FHAD1: variants seen among roughly 807,000 people sequenced by gnomAD.
FHAD1 encodes the protein forkhead-associated domain-containing protein 1.
In FHAD1, 146 loss-of-function variants were observed where a neutral mutation model predicts 191.3. That is an observed-to-expected ratio of 0.76 (90% CI 0.67 to 0.88). The LOEUF (loss-of-function observed/expected upper bound fraction) is 0.88, where lower values mean the gene tolerates loss of function less well. FHAD1 is among the 40% of genes least tolerant of loss of function. The probability of loss-of-function intolerance (pLI) is 0.00; values close to 1 mark genes in which losing one functional copy is unlikely to be tolerated. For missense variants in FHAD1, 1,635 were observed against 1,785.8 expected (o/e 0.92, Z 1.52); for synonymous variants, 616 against 672.3 (o/e 0.92, Z 1.29).
chr1:15,374,455 ATCT>A (rs1347994057), intron 26 of FHAD1, 44 bp from the exon 27 acceptor site: 27 of 1,546,098 alleles, frequency 1.7e-5, no homozygotes, highest in Non-Finnish European at 2.3e-5. Context: ...TGTAAGAGAA[ATCT>A]TCTAATCCCT....
intron 7 of FHAD1, among the ~76,000 whole-genome samples, chr1:15,309,582 C>T (rs1370105831): frequency 1.3e-5 from 2 of 152,062 alleles, no homozygotes; most frequent in Non-Finnish European, 2.9e-5. Flanking sequence ...AGCCCACGAC[C>T]TGCGGGCCAC....
At chr1:15,254,917 G>C (rs1647287819) in intron 2 of FHAD1, among the ~76,000 whole-genome samples, 1 of 152,166 alleles carries the variant, frequency 6.6e-6, no homozygotes, top group East Asian at 1.9e-4. Context: ...CTACAGGCAT[G>C]TCCATATTTT....
intron 3 of FHAD1, among the ~76,000 whole-genome samples, chr1:15,284,153 G>C (rs1661538840): frequency 6.6e-6 from 1 of 152,178 alleles, no homozygotes; most frequent in Non-Finnish European, 1.5e-5. Context: ...CTAGCACCTA[G>C]AGCCTTCTCT....
intron 1 of FHAD1, among the ~76,000 whole-genome samples, chr1:15,237,331 C>A (rs930077509): frequency 1.3e-5 from 2 of 152,212 alleles, no homozygotes; most frequent in African/African-American, 2.4e-5. Flanking sequence ...CTCTGTCCCA[C>A]GGTTGCGTAG....
chr1:15,339,721 G>A (rs1685743833), intron 15 of FHAD1, among the ~76,000 whole-genome samples, 170 bp downstream of exon 15: 1 of 152,212 alleles, frequency 6.6e-6, no homozygotes, highest in South Asian at 2.1e-4. Context: ...AGAAAAGGTT[G>A]GCTAAGATCT....
intron 2 of FHAD1, among the ~76,000 whole-genome samples, chr1:15,260,590 C>T (rs1028285449): frequency 3.3e-5 from 5 of 152,160 alleles, no homozygotes; most frequent in Non-Finnish European, 5.9e-5. Flanking sequence ...GCTATAGAAC[C>T]GAGGCCTCTG....
chr1:15,332,682 G>A (rs1301263358), intron 14 of FHAD1, among the ~76,000 whole-genome samples: 1 of 152,212 alleles, frequency 6.6e-6, no homozygotes, highest in Non-Finnish European at 1.5e-5. Context: ...TTACTCCACT[G>A]CACTGCAGCC....
At position 15,241,946 on chromosome 1, in the gene FHAD1, A is replaced by G. The variant is rs528151311; in HGVS notation, c.-15+5185A>G. Among the ~76,000 whole-genome samples the G allele has an allele frequency of 1.3e-4, 20 of 152,264 alleles. 2 individuals carry two copies. In the South Asian group the frequency reaches 4.1e-3, roughly 32 times the overall value. On this transcript the variant is annotated intron_variant, in intron 1 of 33. Transcript: ENST00000683790. ...GTATATTATCTTCGATAAAAAGTTTACAAAAAGGCCGGGTGCAGTGGCTCA... is the reference window on the plus strand; with the variant it reads ...GTATATTATCTTCGATAAAAAGTTTGCAAAAAGGCCGGGTGCAGTGGCTCA...
intron 14 of FHAD1, chr1:15,335,237 C>A (rs977173674): frequency 6.6e-6 from 1 of 152,162 alleles, no homozygotes; most frequent in African/African-American, 2.4e-5. Context: ...AATGTTTAGG[C>A]GGCACCTTGA....
At chr1:15,392,792 A>AT (rs928582424) in intron 33 of FHAD1, among the ~76,000 whole-genome samples, 16 of 151,452 alleles carry the variant, frequency 1.1e-4, no homozygotes, top group African/African-American at 1.7e-4. Context: ...CCATTCACTG[A>AT]TTTTTTTTTC....
intron 4 of FHAD1, among the ~76,000 whole-genome samples, chr1:15,292,747 G>T (rs1318747066): frequency 6.6e-6 from 1 of 152,052 alleles, no homozygotes; most frequent in Non-Finnish European, 1.5e-5. Context: ...AAGAAGAGAG[G>T]CCTCAGGAGA....
chr1:15,275,345 T>A (rs1269782046), intron 3 of FHAD1, among the ~76,000 whole-genome samples: 2 of 152,220 alleles, frequency 1.3e-5, no homozygotes, highest in African/African-American at 4.8e-5. Flanking sequence ...CCTGCTTTAT[T>A]AGCTAAGGGA....
At chr1:15,387,482 CT>C (rs1702423248) in intron 31 of FHAD1, among the ~76,000 whole-genome samples, 2 of 152,126 alleles carry the variant, frequency 1.3e-5, no homozygotes, top group South Asian at 4.1e-4. Context: ...GGTGCGGTGG[CT>C]CACGCCTGTA....
At position 15,341,865 on chromosome 1, in the gene FHAD1, AG is replaced by A; in HGVS notation, c.2109del (p.Arg703SerfsTer3). ...EQEEKLKAKI[R>X]QLTEEKAALE... ...AGAGGAGAAGCTCAAAGCCAAAATC[AG>A]GCAACTGACGGAAGAGAAGGCGGTA... On this transcript the variant is annotated frameshift_variant, in exon 16 of 34. Transcript: ENST00000688493. LOFTEE classifies it high-confidence loss of function. 6.4e-7 allele frequency: 1 copy of A among 1,551,630 alleles called. No homozygotes were observed. Among genetic ancestry groups the A allele is most frequent in the Non-Finnish European group, 8.7e-7 (1 of 1,146,912 alleles).
chr1:15,267,125 A>G (rs1337045665), intron 2 of FHAD1, among the ~76,000 whole-genome samples: 3 of 152,248 alleles, frequency 2.0e-5, no homozygotes, highest in Admixed American at 1.3e-4. Flanking sequence ...TACTTTGCCA[A>G]AGAAGATATA....
chr1:15,402,769 C>G (rs774946786), downstream of FHAD1, among the ~76,000 whole-genome samples: 10 of 152,114 alleles, frequency 6.6e-5, no homozygotes, highest in Non-Finnish European at 1.5e-4. Flanking sequence ...GACTTTATAC[C>G]CACAACTGCT....
chr1:15,314,603 G>GTGGATA (rs1673413127), intron 8 of FHAD1: 1 of 119,522 alleles, frequency 8.4e-6, no homozygotes. Context: ...TTTCAGGTGT[G>GTGGATA]TGGGTATGTG....
chr1:15,382,169 C>A lies in FHAD1; in HGVS notation c.4164C>A (p.Ile1388=). 2 of 1,551,648 alleles carry A rather than the reference C, an allele frequency of 1.3e-6. No individual in the cohort carries two copies. The highest frequency in any genetic ancestry group is 1.7e-6 in the Non-Finnish European group (2 of 1,147,054). ...ACCAGCTGTGCCAGGAGAAGAGGAT[C>A]AACAGGGCCATCCGGCAGCAGAAGG... ...MEHQLCQEKR[I]NRAIRQQKES... Residue 1388 remains isoleucine (I), a synonymous_variant, in exon 31 of 34, where the codon ATC becomes ATA. Coordinates refer to ENST00000688493, the MANE Select transcript of FHAD1 (RefSeq NM_001391957.1).
intron 28 of FHAD1, among the ~76,000 whole-genome samples, chr1:15,377,628 C>G (rs1699972156): frequency 6.6e-6 from 1 of 151,644 alleles, no homozygotes; most frequent in African/African-American, 2.4e-5. Flanking sequence ...ACTTTGAGCT[C>G]AGGAGTTCGA....
Sources: gnomAD v4.1 joint callset for allele counts (sites outside exome capture counted in the v4.1 genomes callset) on GRCh38, gnomAD v4.1.1 for gene constraint, MANE v1.5 for transcripts, NCBI Gene and HGNC (gene_info 2026-07-23, HGNC 2026-07-21) for gene names.